Variants in CTBS observed in about 807,000 individuals in gnomAD.
CTBS encodes the protein chitobiase, also known as di-N-acetylchitobiase.
A neutral mutation model predicts 44.3 loss-of-function variants in CTBS; 35 were observed. That is an observed-to-expected ratio of 0.79 (90% CI 0.60 to 1.05). CTBS has a LOEUF of 1.05. CTBS is among the 50% of genes least tolerant of loss of function. CTBS has a pLI of 0.00. For synonymous variants in CTBS, 143 were observed against 168.0 expected, an observed-to-expected ratio of 0.85 and a Z score of 1.15; for missense variants, 458 against 475.3, an observed-to-expected ratio of 0.96 and a Z score of 0.34.
rs1684293030 is a variant in CTBS at position 84,552,145 on chromosome 1, G to A, written c.*2854C>T. 1 of 152,074 alleles carries A rather than the reference G, an allele frequency of 6.6e-6. No individual in the cohort carries two copies. The highest frequency in any genetic ancestry group is 1.5e-5 in the Non-Finnish European group (1 of 68,016). The allele number at this position is 152,074 out of a possible 1,614,324, so 9.4% of individuals were successfully genotyped here. The stretch of plus-strand genomic sequence containing the variant: ...TAAGAAGTTTTATTGATTTCTGAAT[G>A]ATCTCCCCAAAACAGCACTACCTAT... On this transcript the variant is annotated 3_prime_UTR_variant, in exon 7 of 7. Coordinates refer to ENST00000370630, the MANE Select transcript of CTBS (RefSeq NM_004388.3).
rs1411088442 is a variant in CTBS at position 84,550,650 on chromosome 1, G to A, written c.*4349C>T. 1.6e-6 allele frequency: 2 copies of A among 1,264,372 alleles called. No homozygotes were observed. Among genetic ancestry groups the A allele is most frequent in the Non-Finnish European group, 2.0e-6 (2 of 997,254 alleles). 78.3% of individuals were successfully genotyped at this position (1,264,372 alleles called of 1,614,324 possible). On this transcript the variant is annotated 3_prime_UTR_variant, in exon 7 of 7. Coordinates refer to ENST00000370630, the MANE Select transcript of CTBS (RefSeq NM_004388.3). ...AGCCAGGATTGACTGTATTAAAATT[G>A]TTACCTTAACAGTAAAGAGCATAGG... is the stretch of plus-strand genomic sequence containing the variant.
chr1:84,552,995 TATG>T lies in CTBS; in HGVS notation c.*2001_*2003del, dbSNP rs762416676. 1 of 1,258,688 alleles carries T rather than the reference TATG, an allele frequency of 7.9e-7. No homozygotes were observed. The highest frequency in any genetic ancestry group is 1.1e-6 in the Non-Finnish European group (1 of 901,064). The allele number at this position is 1,258,688 out of a possible 1,614,324, so 78.0% of individuals were successfully genotyped here. A position where few individuals can be genotyped will look rare whatever the true frequency, so the allele number is the denominator to read the frequency against. On this transcript the variant is annotated 3_prime_UTR_variant, in exon 7 of 7. Coordinates refer to ENST00000370630, the MANE Select transcript of CTBS (RefSeq NM_004388.3). The stretch of plus-strand genomic sequence containing the variant: ...CAACTATGATGTACTTTTAGAAGGG[TATG>T]ATGAAGTTCATTTTTGAAAAGTAAT...
At chr1:84,568,795 C>T (rs953981001) in intron 3 of CTBS, among the ~76,000 whole-genome samples, 1 of 152,058 alleles carries the variant, frequency 6.6e-6, no homozygotes, top group Non-Finnish European at 1.5e-5. Context: ...TGTGGCACCT[C>T]CCCACCCTCT....
At position 84,554,674 on chromosome 1, in the gene CTBS, A is replaced by G. The variant is rs188261662; in HGVS notation, c.*325T>C. 1.1e-4 allele frequency: 22 copies of G among 192,030 alleles called. No individual in the cohort carries two copies. The East Asian group carries it at 2.9e-3, about 26-fold the overall frequency. The allele number at this position is 192,030 out of a possible 1,614,324, so 11.9% of individuals were successfully genotyped here. On this transcript the variant is annotated 3_prime_UTR_variant, in exon 7 of 7. Coordinates refer to ENST00000370630, the MANE Select transcript of CTBS (RefSeq NM_004388.3). ...ATACATATTTTAAAAATCAGCATTG[A>G]TTCGTGAGCATATATTTTACTATAA...
intron 6 of CTBS, among the ~76,000 whole-genome samples, chr1:84,559,740 A>C (rs1684551684): frequency 6.6e-6 from 1 of 152,204 alleles, no homozygotes; most frequent in Non-Finnish European, 1.5e-5. Flanking sequence ...CTGAAGTGAC[A>C]TTAAATGGCC....
rs1370538549 is a variant in CTBS, at chr1:84,551,346, T to C, written c.*3653A>G. 2.3e-6 allele frequency: 2 copies of C among 859,022 alleles called. No individual in the cohort carries two copies. The highest frequency in any genetic ancestry group is 1.2e-4 in the East Asian group (1 of 8,196). 53.2% of individuals were successfully genotyped at this position (859,022 alleles called of 1,614,324 possible). ...TAAAAAGAAAAAAGAAAATCAGTACTGTCCTCGGTTTCAGATAAAAATAAA... is the reference window on the plus strand; with the variant it reads ...TAAAAAGAAAAAAGAAAATCAGTACCGTCCTCGGTTTCAGATAAAAATAAA... On this transcript the variant is annotated 3_prime_UTR_variant, in exon 7 of 7. Coordinates refer to ENST00000370630, the MANE Select transcript of CTBS (RefSeq NM_004388.3).
rs77228352 is a variant in CTBS at position 84,573,575 on chromosome 1, C to T, written c.177+664G>A. On this transcript the variant is annotated intron_variant, in intron 1 of 6. Transcript: ENST00000370630. The stretch of plus-strand genomic sequence containing the variant: ...ATCATGCCTATTTCTACAAAAGAAT[C>T]GTTCTTTGAATTAAGCCTTTGGACC... Among the ~76,000 whole-genome samples, 1,147 of 152,302 alleles carry T rather than the reference C, an allele frequency of 7.5e-3. 46 individuals carry two copies. In the East Asian group the frequency reaches 0.12, roughly 16 times the overall value.
intron 6 of CTBS, among the ~76,000 whole-genome samples, chr1:84,556,879 C>T (rs960119754): frequency 2.0e-5 from 3 of 152,038 alleles, no homozygotes; most frequent in South Asian, 2.1e-4. Flanking sequence ...CATGCATGCC[C>T]TAGTAATAGT....
In CTBS at chr1:84,557,977, C is replaced by A. The variant is rs78980347; in HGVS notation, c.958-2778G>T. 1.1e-3 allele frequency among the ~76,000 whole-genome samples: 163 copies of A among 151,920 alleles called. 2 individuals carry two copies. In the East Asian group the frequency reaches 0.03, roughly 28 times the overall value. ...ATTCTGAGACCTAAAGAATGTGTTT[C>A]TTCATAGAAACAGAGTAAAAAGGTG... On this transcript the variant is annotated intron_variant, in intron 6 of 6. Coordinates refer to ENST00000370630, the MANE Select transcript of CTBS (RefSeq NM_004388.3).
chr1:84,567,108 C>T (rs1684714806), intron 3 of CTBS, among the ~76,000 whole-genome samples: 1 of 152,196 alleles, frequency 6.6e-6, no homozygotes, highest in Admixed American at 6.5e-5. Flanking sequence ...ATTTTAAAAA[C>T]TGAGATACTT....
chr1:84,560,291 T>C (rs1684566416), intron 6 of CTBS, among the ~76,000 whole-genome samples: 1 of 151,974 alleles, frequency 6.6e-6, no homozygotes, highest in Non-Finnish European at 1.5e-5. Flanking sequence ...ATAAAGAAAT[T>C]AAGACCCTCA....
intron 3 of CTBS, among the ~76,000 whole-genome samples, chr1:84,569,290 G>C (rs959112858): frequency 6.6e-6 from 1 of 152,166 alleles, no homozygotes; most frequent in Non-Finnish European, 1.5e-5. Flanking sequence ...CAGTGTGCAT[G>C]TGTGTGGAAA....
At position 84,555,029 on chromosome 1, in the gene CTBS, T is replaced by C. The variant is rs1241774520; in HGVS notation, c.1128A>G (p.Glu376=). 13 of 1,614,008 alleles carry C rather than the reference T, an allele frequency of 8.1e-6. No individual in the cohort carries two copies. The highest frequency in any genetic ancestry group is 1.1e-5 in the Non-Finnish European group (13 of 1,179,948). ...TCTGTAACAGCTTTGGCTTTAAGAC[T>C]TCCCACATTTCTTCAGTTTGCTGTT... ...VAKQQTEEMW[E]VLKPKLLQR Residue 376 remains glutamate (E), a synonymous_variant, in exon 7 of 7, where the codon GAA becomes GAG. Coordinates refer to ENST00000370630, the MANE Select transcript of CTBS (RefSeq NM_004388.3).
At position 84,570,615 on chromosome 1, in the gene CTBS, CG is replaced by C; in HGVS notation, c.282del (p.Tyr94Ter). On this transcript the variant is annotated frameshift_variant, in exon 2 of 7. Transcript: ENST00000370630. LOFTEE classifies it high-confidence loss of function. ...ACTACTCTGGCTCCTTTTGAATGAGCGTAGCACATAAGTTCTGAGTCATATT... is the reference window on the plus strand; with the variant it reads ...ACTACTCTGGCTCCTTTTGAATGAGCTAGCACATAAGTTCTGAGTCATATT... ...FGKYDSELMC[Y>X]AHSKGARVVL... The C allele has an allele frequency of 6.2e-7, 1 of 1,613,642 alleles. No homozygotes were observed. The highest frequency in any genetic ancestry group is 8.5e-7 in the Non-Finnish European group (1 of 1,179,684).
At chr1:84,567,789 A>T (rs893223411) in intron 3 of CTBS, among the ~76,000 whole-genome samples, 3 of 152,132 alleles carry the variant, frequency 2.0e-5, no homozygotes, top group African/African-American at 4.8e-5. Context: ...TTTGGGTGGC[A>T]TCTCACAGTT....
At position 84,563,405 on chromosome 1, in the gene CTBS, G is replaced by A; in HGVS notation, c.809C>T (p.Thr270Ile). The change falls in exon 6 of 7, where the codon ACC becomes ATC. Residue 270 changes from threonine (T) to isoleucine (I), a missense_variant. By Grantham distance (89) the Thr-to-Ile change is moderately conservative (BLOSUM62 -1). Coordinates refer to ENST00000370630, the MANE Select transcript of CTBS (RefSeq NM_004388.3). ...CLNLSEDHVC[T>I]IAKVPFRGAP... ...CCCCCGGAAAGGGACTTTTGCAATG[G>A]TACAAACATGATCCTAGAAATGCAA... 3 of 1,535,812 alleles carry A rather than the reference G, an allele frequency of 2.0e-6. No homozygotes were observed. The highest frequency in any genetic ancestry group is 1.7e-4 in the Middle Eastern group (1 of 5,730).
chr1:84,565,946 C>T lies in CTBS; in HGVS notation c.592G>A (p.Ala198Thr), dbSNP rs767435683. Residue 198 changes from alanine (A) to threonine (T), a missense_variant, in exon 4 of 7, where the codon GCA (alanine) becomes ACA (threonine). Coordinates refer to ENST00000370630, the MANE Select transcript of CTBS (RefSeq NM_004388.3). ...DRRCYNYTGI[A>T]DACDFLFVMS... ...ACAAAGAGGAAGTCACAAGCATCTG[C>T]GATTCCAGTATAATTATAGCATCTT... is the stretch of plus-strand genomic sequence containing the variant. 8 of 1,600,210 alleles carry T rather than the reference C, an allele frequency of 5.0e-6. No individual in the cohort carries two copies. The highest frequency in any genetic ancestry group is 1.7e-5 in the Admixed American group (1 of 58,000).
intron 4 of CTBS, among the ~76,000 whole-genome samples, chr1:84,564,960 GC>G (rs1356723776): frequency 6.6e-6 from 1 of 152,052 alleles, no homozygotes; most frequent in African/African-American, 2.4e-5. Flanking sequence ...GATCACTTAA[GC>G]CCAGGAGGTC....
intron 6 of CTBS, among the ~76,000 whole-genome samples, 182 bp downstream of exon 6, chr1:84,563,075 G>C (rs950947843): frequency 1.3e-5 from 2 of 152,086 alleles, no homozygotes; most frequent in African/African-American, 4.8e-5. Flanking sequence ...AACTCCAATT[G>C]CTCGCCAGGG....
Sources: gnomAD v4.1 joint callset for allele counts (sites outside exome capture counted in the v4.1 genomes callset) on GRCh38, gnomAD v4.1.1 for gene constraint, MANE v1.5 for transcripts, NCBI Gene and HGNC (gene_info 2026-07-23, HGNC 2026-07-21) for gene names.